METTL8: variants seen among roughly 807,000 people sequenced by gnomAD.
METTL8 encodes the protein tRNA N(3)-cytidine methyltransferase METTL8, mitochondrial.
METTL8 carries 32 observed loss-of-function variants against 48.7 expected under a neutral mutation model. That is an observed-to-expected ratio of 0.66 (90% CI 0.50 to 0.88). The LOEUF is 0.88. Ranked by LOEUF, METTL8 falls within the 40% of genes least tolerant of loss-of-function variation. The pLI, the probability that METTL8 is intolerant of heterozygous loss-of-function variation, is 0.00. For missense variants in METTL8, 464 were observed against 474.4 expected, an observed-to-expected ratio of 0.98 and a Z score of 0.20; for synonymous variants, 136 against 157.1, an observed-to-expected ratio of 0.87 and a Z score of 1.01.
rs141219133 is a variant in METTL8 at position 171,375,782 on chromosome 2, A to C, written c.144-15269T>G. Reference sequence around the variant, plus strand: ...GATAAATCTCAAAATAATTATGCTGAGTAAGAGAGGCCAGACAAAAAGATA... The same window carrying C: ...GATAAATCTCAAAATAATTATGCTGCGTAAGAGAGGCCAGACAAAAAGATA... On this transcript the variant is annotated intron_variant, in intron 2 of 9. Transcript: ENST00000375258. Among the ~76,000 whole-genome samples the C allele has an allele frequency of 7.0e-4, 107 of 152,344 alleles. 2 individuals carry two copies. The East Asian group carries it at 0.019, about 27-fold the overall frequency.
Position 171,356,953 on chromosome 2 carries a change from T to TGTTTTTTTTTTTTTTG in METTL8, c.235+3468_235+3469insCAAAAAAAAAAAAAAC, listed in dbSNP as rs1553514755. ...AAATTAGCCTTGTTCAAAGACAATA[T>TGTTTTTTTTTTTTTTG]TTTTTTTTTTTTTTTTGAGACAGGG... On this transcript the variant is annotated intron_variant, in intron 3 of 9. Coordinates refer to ENST00000375258, the MANE Select transcript of METTL8 (RefSeq NM_001321154.2). Among the ~76,000 whole-genome samples the TGTTTTTTTTTTTTTTG allele has an allele frequency of 2.1e-4, 3 of 14,076 alleles. 1 individual carries two copies. Among genetic ancestry groups the TGTTTTTTTTTTTTTTG allele is most frequent in the East Asian group, 2.6e-3 (2 of 766 alleles). 9.2% of individuals were successfully genotyped at this position (14,076 alleles called of 152,430 possible).
At chr2:171,378,188 A>C (rs1687164320) in intron 2 of METTL8, among the ~76,000 whole-genome samples, 1 of 152,198 alleles carries the variant, frequency 6.6e-6, no homozygotes, top group Non-Finnish European at 1.5e-5. Context: ...TACTCAAGAG[A>C]CTCAACTCAT....
chr2:171,423,364 A>T (rs1692070818), intron 1 of METTL8, among the ~76,000 whole-genome samples: 1 of 152,210 alleles, frequency 6.6e-6, no homozygotes, highest in Admixed American at 6.5e-5. Flanking sequence ...ACTGGGTAAC[A>T]GGCAGAGGTT....
chr2:171,359,681 C>T (rs183479472), intron 3 of METTL8, among the ~76,000 whole-genome samples: 3 of 150,540 alleles, frequency 2.0e-5, no homozygotes, highest in South Asian at 2.1e-4. Flanking sequence ...GGTGTGATCT[C>T]GGCTCACTGC....
chr2:171,432,738 T>G (rs1205198974), intron 1 of METTL8, among the ~76,000 whole-genome samples: 1 of 152,182 alleles, frequency 6.6e-6, no homozygotes, highest in Non-Finnish European at 1.5e-5. Flanking sequence ...ACTAAACACT[T>G]AAACTGTGAC....
At chr2:171,405,826 T>C (rs753972279) in intron 1 of METTL8, among the ~76,000 whole-genome samples, 36 of 152,198 alleles carry the variant, frequency 2.4e-4, no homozygotes, top group Middle Eastern at 6.8e-3. Flanking sequence ...ACAGGTGAGT[T>C]TGTAGTAGAA....
chr2:171,350,938 CT>C (rs1349442960), intron 3 of METTL8, among the ~76,000 whole-genome samples: 1 of 152,160 alleles, frequency 6.6e-6, no homozygotes, highest in Non-Finnish European at 1.5e-5. Flanking sequence ...ATGGTAGTTT[CT>C]TTTGCTGTGC....
At chr2:171,363,817 T>TATATATATATATATATGTATATATA (rs1228494441) in intron 2 of METTL8, among the ~76,000 whole-genome samples, 1 of 129,052 alleles carries the variant, frequency 7.7e-6, no homozygotes, top group Non-Finnish European at 1.7e-5. Flanking sequence ...TATATATATC[T>TATATATATATATATATGTATATATA]TTTTTTTTTT....
intron 5 of METTL8, among the ~76,000 whole-genome samples, chr2:171,335,318 C>T (rs1685970129): frequency 6.6e-6 from 1 of 152,062 alleles, no homozygotes; most frequent in Non-Finnish European, 1.5e-5. Flanking sequence ...CCTGAATAAT[C>T]AAGGATAAAG....
intron 1 of METTL8, among the ~76,000 whole-genome samples, chr2:171,427,971 T>C (rs1692587158): frequency 1.3e-5 from 2 of 152,242 alleles, no homozygotes; most frequent in South Asian, 4.1e-4. Flanking sequence ...CTGAGTATTT[T>C]ATACATTTAT....
intron 3 of METTL8, among the ~76,000 whole-genome samples, chr2:171,354,237 T>C (rs1418561809): frequency 2.6e-5 from 4 of 152,232 alleles, no homozygotes; most frequent in Admixed American, 1.3e-4. Flanking sequence ...TGGCTGGATA[T>C]GAAATTCTGA....
chr2:171,371,383 A>C (rs1247751594), intron 2 of METTL8, among the ~76,000 whole-genome samples: 1 of 152,058 alleles, frequency 6.6e-6, no homozygotes, highest in Non-Finnish European at 1.5e-5. Flanking sequence ...TTGAGACAGA[A>C]TCTCACTCCA....
chr2:171,374,897 A>G, intron 2 of METTL8: 3 of 1,044,632 alleles, frequency 2.9e-6, no homozygotes, highest in Non-Finnish European at 3.0e-6. Context: ...TCTCCAGAGA[A>G]TAGTCTGTCT....
rs1270232746 is a variant in METTL8 at position 171,331,818 on chromosome 2, C to T, written c.706G>A (p.Val236Met). 1 of 1,604,470 alleles carries T rather than the reference C, an allele frequency of 6.2e-7. No homozygotes were observed. The highest frequency in any genetic ancestry group is 8.5e-7 in the Non-Finnish European group (1 of 1,175,068). ...GAGTAGCATACCTTTACGAGCTCCA[C>T]AGCTCCAGAAGCAAAATCACAACAA... is the stretch of plus-strand genomic sequence containing the variant. ...LYCCDFASGA[V>M]ELVKSHSSYR... The change falls in exon 6 of 10, where the codon GTG becomes ATG. Residue 236 changes from valine to methionine, a missense_variant. Physicochemically the swap from Val to Met is conservative, Grantham distance 21. Coordinates refer to ENST00000375258, the MANE Select transcript of METTL8 (RefSeq NM_001321154.2).
intron 2 of METTL8, among the ~76,000 whole-genome samples, chr2:171,385,820 T>C (rs1320162696): frequency 6.6e-6 from 1 of 152,198 alleles, no homozygotes; most frequent in Non-Finnish European, 1.5e-5. Context: ...TTCATTCAGG[T>C]CAGGTTTGCT....
rs1684312233 is a variant in METTL8 at position 171,317,402 on chromosome 2, T to C, written c.*6770A>G. 1 of 152,216 alleles carries C rather than the reference T, an allele frequency of 6.6e-6. No homozygotes were observed. Among genetic ancestry groups the C allele is most frequent in the African/African-American group, 2.4e-5 (1 of 41,452 alleles). 9.4% of individuals were successfully genotyped at this position (152,216 alleles called of 1,614,324 possible). A position where few individuals can be genotyped will look rare whatever the true frequency, so the allele number is the denominator to read the frequency against. On this transcript the variant is annotated 3_prime_UTR_variant, in exon 10 of 10. Transcript: ENST00000375258. ...CAACTAGGAAAGACGATGCTGGAGC[T>C]TTAGGAGGCAATCAAAGGCTCATTT...
At chr2:171,391,284 T>C (rs1688557032) in intron 2 of METTL8, among the ~76,000 whole-genome samples, 1 of 152,258 alleles carries the variant, frequency 6.6e-6, no homozygotes, top group Admixed American at 6.5e-5. Flanking sequence ...GACTACAGTA[T>C]AGTGTAAACA....
intron 9 of METTL8, among the ~76,000 whole-genome samples, chr2:171,324,981 T>TA (rs1559039922): frequency 6.6e-6 from 1 of 151,690 alleles, no homozygotes; most frequent in Non-Finnish European, 1.5e-5. Context: ...GTAGGTAATC[T>TA]CAGCTACTTG....
intron 1 of METTL8, among the ~76,000 whole-genome samples, chr2:171,431,636 C>T (rs1693032089): frequency 6.6e-6 from 1 of 152,194 alleles, no homozygotes; most frequent in African/African-American, 2.4e-5. Context: ...AGGATGCCAC[C>T]AAACATGGGT....
Sources: gnomAD v4.1 joint callset for allele counts (sites outside exome capture counted in the v4.1 genomes callset) on GRCh38, gnomAD v4.1.1 for gene constraint, MANE v1.5 for transcripts, NCBI Gene and HGNC (gene_info 2026-07-23, HGNC 2026-07-21) for gene names.